Variants in ARHGAP24 observed in about 807,000 individuals in gnomAD.
ARHGAP24 encodes Rho GTPase activating protein 24, also known as rho GTPase-activating protein 24.
In ARHGAP24, 50 loss-of-function variants were observed where a neutral mutation model predicts 76.4. That is an observed-to-expected ratio of 0.65 (90% CI 0.52 to 0.83). The LOEUF is 0.83. Among genes scored for constraint, ARHGAP24 ranks in the 40% least tolerant of loss-of-function variants. The pLI, the probability that ARHGAP24 is intolerant of heterozygous loss-of-function variation, is 0.00. For missense variants in ARHGAP24, 930 were observed against 914.2 expected, an observed-to-expected ratio of 1.02 and a Z score of -0.22; for synonymous variants, 345 against 323.3, an observed-to-expected ratio of 1.07 and a Z score of -0.72.
intron 8 of ARHGAP24, among the ~76,000 whole-genome samples, chr4:85,978,956 C>T (rs929059935): frequency 2.0e-5 from 3 of 152,060 alleles, no homozygotes; most frequent in African/African-American, 4.8e-5. Context: ...TTACTTGATA[C>T]CTTTTAAGAA....
At chr4:85,934,672 AC>A in intron 4 of ARHGAP24, among the ~76,000 whole-genome samples, 1 of 151,852 alleles carries the variant, frequency 6.6e-6, no homozygotes, top group East Asian at 1.9e-4. Flanking sequence ...CCGCCACCAC[AC>A]CCAGCTAATT....
intron 2 of ARHGAP24, among the ~76,000 whole-genome samples, chr4:85,584,909 G>A (rs1366427633): frequency 6.6e-6 from 1 of 152,098 alleles, no homozygotes; most frequent in Admixed American, 6.6e-5. Flanking sequence ...TAACTCTTAA[G>A]TTTTGCTTAG....
At chr4:85,757,552 T>G (rs1371813665) in intron 3 of ARHGAP24, among the ~76,000 whole-genome samples, 1 of 152,142 alleles carries the variant, frequency 6.6e-6, no homozygotes, top group Admixed American at 6.5e-5. Context: ...GAACTCATCC[T>G]TTTTTATGGC....
chr4:85,599,522 A>G (rs961578608), intron 2 of ARHGAP24, among the ~76,000 whole-genome samples: 3 of 152,144 alleles, frequency 2.0e-5, no homozygotes, highest in Non-Finnish European at 4.4e-5. Flanking sequence ...AAAAACCTCT[A>G]TTTGATTTGT....
intron 2 of ARHGAP24, among the ~76,000 whole-genome samples, chr4:85,693,652 A>G (rs1264111096): frequency 1.3e-5 from 2 of 152,232 alleles, no homozygotes; most frequent in Non-Finnish European, 2.9e-5. Flanking sequence ...AGCCAGGTCA[A>G]CAACAGCTGC....
At chr4:85,882,657 C>T (rs975325490) in intron 3 of ARHGAP24, among the ~76,000 whole-genome samples, 11 of 152,184 alleles carry the variant, frequency 7.2e-5, no homozygotes, top group Admixed American at 3.9e-4. Flanking sequence ...CCATGGTCCA[C>T]GTGGCCAAGA....
intron 2 of ARHGAP24, among the ~76,000 whole-genome samples, chr4:85,674,774 A>G (rs1371382896): frequency 6.6e-6 from 1 of 152,208 alleles, no homozygotes; most frequent in African/African-American, 2.4e-5. Context: ...ACCTTGAACT[A>G]ATTATTCACA....
intron 5 of ARHGAP24, among the ~76,000 whole-genome samples, chr4:85,960,048 A>C (rs138393365): frequency 2.0e-5 from 3 of 152,318 alleles, no homozygotes; most frequent in Admixed American, 6.5e-5. Context: ...TGGTGTATCC[A>C]GTTAAGTCAG....
At chr4:85,611,533 T>A (rs531356910) in intron 2 of ARHGAP24, among the ~76,000 whole-genome samples, 128 of 152,312 alleles carry the variant, frequency 8.4e-4, no homozygotes, top group African/African-American at 2.5e-3. Context: ...TTTTAAAAAA[T>A]TTTCAGCTTA....
chr4:85,786,578 G>A (rs1727854854), intron 3 of ARHGAP24, among the ~76,000 whole-genome samples: 1 of 152,196 alleles, frequency 6.6e-6, no homozygotes, highest in African/African-American at 2.4e-5. Context: ...TTGTGTCAGA[G>A]ATATGCATTT....
chr4:85,758,498 T>C (rs953863856), intron 3 of ARHGAP24, among the ~76,000 whole-genome samples: 6 of 152,182 alleles, frequency 3.9e-5, no homozygotes, highest in African/African-American at 1.4e-4. Flanking sequence ...ATAGGTTGCA[T>C]GTTTGCAGGG....
At chr4:85,660,702 A>G (rs986670107) in intron 2 of ARHGAP24, among the ~76,000 whole-genome samples, 6 of 146,768 alleles carry the variant, frequency 4.1e-5, no homozygotes, top group Admixed American at 2.1e-4. Flanking sequence ...AGGCTGAGGC[A>G]GGAGAATCCC....
At chr4:85,557,856 T>C (rs1283006900) in intron 1 of ARHGAP24, among the ~76,000 whole-genome samples, 2 of 152,216 alleles carry the variant, frequency 1.3e-5, no homozygotes, top group African/African-American at 4.8e-5. Context: ...GAGCACATAT[T>C]TTTTATCTTT....
chr4:85,509,806 CATTTAT>C (rs1465971957), intron 1 of ARHGAP24, among the ~76,000 whole-genome samples: 1 of 151,870 alleles, frequency 6.6e-6, no homozygotes, highest in African/African-American at 2.4e-5. Flanking sequence ...ATTATGTTCA[CATTTAT>C]ATTTATAATA....
chr4:85,945,759 CAA>C (rs35877734), intron 5 of ARHGAP24, among the ~76,000 whole-genome samples: 91 of 62,466 alleles, frequency 1.5e-3, no homozygotes, highest in African/African-American at 3.2e-3. Flanking sequence ...GACTCAGCCT[CAA>C]AAAAAAAAAA....
intron 1 of ARHGAP24, among the ~76,000 whole-genome samples, chr4:85,492,241 G>A (rs953290268): frequency 6.6e-6 from 1 of 151,990 alleles, no homozygotes; most frequent in African/African-American, 2.4e-5. Context: ...TGGTCATGGT[G>A]TTTATTGGCC....
intron 3 of ARHGAP24, among the ~76,000 whole-genome samples, chr4:85,920,048 G>T (rs934523065): frequency 6.6e-6 from 1 of 152,024 alleles, no homozygotes; most frequent in African/African-American, 2.4e-5. Flanking sequence ...AATGTGCTTT[G>T]GTGTGCATAT....
intron 2 of ARHGAP24, among the ~76,000 whole-genome samples, chr4:85,698,494 A>G (rs868431841): frequency 1.3e-5 from 2 of 152,228 alleles, no homozygotes; most frequent in Middle Eastern, 3.2e-3. Flanking sequence ...GAACTTCTCT[A>G]TATAACATCC....
intron 3 of ARHGAP24, among the ~76,000 whole-genome samples, chr4:85,887,116 A>C (rs897506764): frequency 6.6e-6 from 1 of 152,136 alleles, no homozygotes; most frequent in South Asian, 2.1e-4. Context: ...TGTATCATCT[A>C]TATGTATGAA....
Sources: gnomAD v4.1 joint callset for allele counts (sites outside exome capture counted in the v4.1 genomes callset) on GRCh38, gnomAD v4.1.1 for gene constraint, MANE v1.5 for transcripts, NCBI Gene and HGNC (gene_info 2026-07-23, HGNC 2026-07-21) for gene names.